The following DLGAP2 variants were observed in gnomAD, a reference collection of about 807,000 sequenced individuals.
DLGAP2 encodes DLG associated protein 2.
A neutral mutation model predicts 100.3 loss-of-function variants in DLGAP2; 26 were observed. The ratio of observed to expected loss-of-function variants is 0.26; its 90% CI spans 0.19 to 0.36. The LOEUF (loss-of-function observed/expected upper bound fraction) is 0.36. Ranked by LOEUF, DLGAP2 falls within the 10% of genes least tolerant of loss-of-function variation. DLGAP2 has a pLI of 1.00. For synonymous variants in DLGAP2, 886 were observed against 630.1 expected, an observed-to-expected ratio of 1.41 and a Z score of -6.08; for missense variants, 1,858 against 1,453.2, an observed-to-expected ratio of 1.28 and a Z score of -4.53.
In DLGAP2 at chr8:1,479,992, T is replaced by C. The variant is rs138415076; in HGVS notation, c.107-21374T>C. ...GCTCCAGTCCCTGTGATAAATGTTTTACATAGATTAGTCCTCACCAGCCCC... is the reference window on the plus strand; with the variant it reads ...GCTCCAGTCCCTGTGATAAATGTTTCACATAGATTAGTCCTCACCAGCCCC... On this transcript the variant is annotated intron_variant, in intron 3 of 14. Transcript: ENST00000637795. 6.0e-3 allele frequency among the ~76,000 whole-genome samples: 916 copies of C among 152,334 alleles called. 12 individuals are homozygous for C. Among genetic ancestry groups the C allele is most frequent in the African/African-American group, 0.021 (854 of 41,574 alleles).
intron 3 of DLGAP2, among the ~76,000 whole-genome samples, chr8:1,265,471 A>G (rs543398809): frequency 1.3e-5 from 2 of 152,350 alleles, no homozygotes; most frequent in East Asian, 3.9e-4. Flanking sequence ...TGGCTTGAGA[A>G]AGACAAACAC....
chr8:1,105,197 C>T (rs1485712407), intron 2 of DLGAP2: 1 of 152,202 alleles, frequency 6.6e-6, no homozygotes, highest in Non-Finnish European at 1.5e-5. Flanking sequence ...TTAACGCCAC[C>T]TTTTCATATG....
At chr8:841,723 G>A (rs1269620505) in intron 1 of DLGAP2, among the ~76,000 whole-genome samples, 1 of 152,088 alleles carries the variant, frequency 6.6e-6, no homozygotes, top group African/African-American at 2.4e-5. Flanking sequence ...TGGGACCGCA[G>A]GTGCCGCCCC....
intron 2 of DLGAP2, among the ~76,000 whole-genome samples, chr8:911,415 T>C (rs1798482170): frequency 6.6e-6 from 1 of 152,084 alleles, no homozygotes; most frequent in East Asian, 1.9e-4. Context: ...GGAAACATAC[T>C]GGAGAATGTT....
chr8:1,368,346 C>T (rs372570889), intron 3 of DLGAP2, among the ~76,000 whole-genome samples: 72 of 150,870 alleles, frequency 4.8e-4, no homozygotes, highest in Middle Eastern at 3.4e-3. Flanking sequence ...TGTGTGCATG[C>T]GTGTGTATAT....
Position 737,701 on chromosome 8 carries a change from G to A in DLGAP2, c.-107G>A. On this transcript the variant is annotated 5_prime_UTR_variant, in exon 1 of 15. Transcript: ENST00000637795. ...GCGGCGGCGAACGGACGGACGGACC[G>A]CGGACGGACGTACTGACCCCAACCC... 1 of 370,304 alleles carries A rather than the reference G, an allele frequency of 2.7e-6. No individual in the cohort carries two copies. Among genetic ancestry groups the A allele is most frequent in the Non-Finnish European group, 4.8e-6 (1 of 207,672 alleles). The allele number at this position is 370,304 out of a possible 1,614,324, so 22.9% of individuals were successfully genotyped here. A position where few individuals can be genotyped will look rare whatever the true frequency, so the allele number is the denominator to read the frequency against.
chr8:787,313 C>T (rs146592567), intron 1 of DLGAP2, among the ~76,000 whole-genome samples: 8 of 152,288 alleles, frequency 5.3e-5, no homozygotes, highest in East Asian at 1.9e-4. Flanking sequence ...GTGATACTGA[C>T]GTTCTGTGAT....
chr8:966,545 T>A (rs1159789954), intron 2 of DLGAP2, among the ~76,000 whole-genome samples: 1 of 152,250 alleles, frequency 6.6e-6, no homozygotes, highest in Non-Finnish European at 1.5e-5. Context: ...TTTTTAATTT[T>A]CAAACTTTTT....
At chr8:1,186,054 C>T (rs141974922) in intron 2 of DLGAP2, among the ~76,000 whole-genome samples, 1 of 152,306 alleles carries the variant, frequency 6.6e-6, no homozygotes, top group African/African-American at 2.4e-5. Flanking sequence ...GCAATGCGGG[C>T]TCTGGAGACA....
intron 2 of DLGAP2, among the ~76,000 whole-genome samples, chr8:1,198,404 C>G (rs771603724): frequency 6.6e-6 from 1 of 152,164 alleles, no homozygotes; most frequent in Non-Finnish European, 1.5e-5. Flanking sequence ...GCTGCCTGGA[C>G]CTTGTGTCCT....
chr8:1,098,836 C>T (rs963739242), intron 2 of DLGAP2, among the ~76,000 whole-genome samples: 2 of 151,680 alleles, frequency 1.3e-5, no homozygotes, highest in African/African-American at 4.8e-5. Flanking sequence ...CGCGCACGGA[C>T]GCTGCGACGC....
At chr8:822,575 T>A (rs549378494) in intron 1 of DLGAP2, among the ~76,000 whole-genome samples, 2 of 152,332 alleles carry the variant, frequency 1.3e-5, no homozygotes, top group East Asian at 1.9e-4. Flanking sequence ...CGTCACTGCG[T>A]GTGCTCCGAA....
chr8:1,112,763 G>A (rs185951077), intron 2 of DLGAP2, among the ~76,000 whole-genome samples: 7 of 152,266 alleles, frequency 4.6e-5, no homozygotes, highest in African/African-American at 7.2e-5. Context: ...TGCAGAAATT[G>A]CATGAATCAT....
Position 1,701,594 on chromosome 8 carries a change from A to T in DLGAP2, c.*188A>T, listed in dbSNP as rs1799573649. The T allele has an allele frequency of 1.6e-6, 1 of 635,942 alleles. No homozygotes were observed. Among genetic ancestry groups the T allele is most frequent in the African/African-American group, 1.9e-5 (1 of 52,906 alleles). The allele number at this position is 635,942 out of a possible 1,614,324, so 39.4% of individuals were successfully genotyped here. A position where few individuals can be genotyped will look rare whatever the true frequency, so the allele number is the denominator to read the frequency against. ...GTCCACGGAGCTCGCGGCGAGGACG[A>T]CTTCTGCTTTTGTTGTTGTTGTTGT... On this transcript the variant is annotated 3_prime_UTR_variant, in exon 15 of 15. Transcript: ENST00000637795.
chr8:1,152,937 G>C (rs1351047719), intron 2 of DLGAP2, among the ~76,000 whole-genome samples: 1 of 152,124 alleles, frequency 6.6e-6, no homozygotes, highest in Non-Finnish European at 1.5e-5. Context: ...ATGGAAGCAC[G>C]CCCACTCAAA....
chr8:1,357,947 C>T (rs1222752139), intron 3 of DLGAP2, among the ~76,000 whole-genome samples: 1 of 152,162 alleles, frequency 6.6e-6, no homozygotes, highest in African/African-American at 2.4e-5. Context: ...TTTCTGGCTC[C>T]TTTACTGCTG....
chr8:1,190,983 G>T (rs1234094836), intron 2 of DLGAP2, among the ~76,000 whole-genome samples: 1 of 152,134 alleles, frequency 6.6e-6, no homozygotes, highest in Non-Finnish European at 1.5e-5. Flanking sequence ...GGTGAGGCTT[G>T]GACCAATTCC....
chr8:1,523,092 G>A (rs764016022), intron 4 of DLGAP2, among the ~76,000 whole-genome samples: 16 of 152,304 alleles, frequency 1.1e-4, no homozygotes, highest in South Asian at 2.1e-4. Flanking sequence ...GGCACTGCCC[G>A]TGCGGCATCT....
intron 5 of DLGAP2, among the ~76,000 whole-genome samples, chr8:1,559,691 T>C (rs559987226): frequency 2.0e-4 from 31 of 152,228 alleles, no homozygotes; most frequent in South Asian, 4.1e-4. Flanking sequence ...CCTGCCAAAG[T>C]GAATCTCTTC....
Sources: gnomAD v4.1 joint callset for allele counts (sites outside exome capture counted in the v4.1 genomes callset) on GRCh38, gnomAD v4.1.1 for gene constraint, MANE v1.5 for transcripts, NCBI Gene and HGNC (gene_info 2026-07-23, HGNC 2026-07-21) for gene names.